The following SNX19 variants were observed in gnomAD, a reference collection of about 807,000 sequenced individuals.
The protein encoded by SNX19 is sorting nexin 19.
Under a neutral mutation model 85.2 loss-of-function variants are expected in SNX19, and 60 were observed. The ratio of observed to expected loss-of-function variants is 0.70; its 90% CI spans 0.57 to 0.87. SNX19 has a LOEUF of 0.87. Among genes scored for constraint, SNX19 ranks in the 40% least tolerant of loss-of-function variants. The probability of loss-of-function intolerance (pLI) is 0.00; values close to 1 mark genes in which losing one functional copy is unlikely to be tolerated. For synonymous variants in SNX19, 520 were observed against 470.0 expected (o/e 1.11, Z -1.38); for missense variants, 1,201 against 1,217.8 (o/e 0.99, Z 0.21).
Position 130,915,223 on chromosome 11 carries a change from G to A in SNX19, c.717C>T (p.Val239=), listed in dbSNP as rs773651268. The part of the protein sequence containing the change: ...LETRTGRHVV[V]ELITCNVILP... ...AGATTACATTGCATGTGATGAGTTC[G>A]ACCACTACATGGCGTCCGGTACGAG... Residue 239 remains valine (V), a synonymous_variant, in exon 1 of 11, where the codon GTC becomes GTT. Transcript: ENST00000265909. The A allele has an allele frequency of 1.2e-6, 2 of 1,614,064 alleles. No individual in the cohort carries two copies. Among genetic ancestry groups the A allele is most frequent in the African/African-American group, 1.3e-5 (1 of 74,912 alleles).
Position 130,878,236 on chromosome 11 carries a change from A to G in SNX19, c.*186T>C, listed in dbSNP as rs3190331. The G allele has an allele frequency of 0.45, 226,906 of 500,558 alleles. 52,493 individuals carry two copies. The highest frequency in any genetic ancestry group is 0.56 in the South Asian group (10,108 of 18,168). 31.0% of individuals were successfully genotyped at this position (500,558 alleles called of 1,614,324 possible). On this transcript the variant is annotated 3_prime_UTR_variant, in exon 11 of 11. Coordinates refer to ENST00000265909, the MANE Select transcript of SNX19 (RefSeq NM_014758.3). ...AAGGAACAGGGAAATAAACGTGCAT[A>G]CAACTGGGACACACAGACCCCTGTC...
chr11:130,906,434 C>A (rs1945676265), intron 6 of SNX19, among the ~76,000 whole-genome samples, 191 bp downstream of exon 6: 1 of 152,196 alleles, frequency 6.6e-6, no homozygotes, highest in African/African-American at 2.4e-5. Context: ...AGCCAACCTG[C>A]CAACCCAGAA....
rs1162029906 is a variant in SNX19 at position 130,908,197 on chromosome 11, A to G, written c.2035-114T>C. Reference sequence around the variant, plus strand: ...ACAGGACAAGGAGAGGGGCCAGGCTATCTAGCAAAGCCTTATCCAGTAGGA... The same window carrying G: ...ACAGGACAAGGAGAGGGGCCAGGCTGTCTAGCAAAGCCTTATCCAGTAGGA... On this transcript the variant is annotated intron_variant, in intron 4 of 10. Coordinates refer to ENST00000265909, the MANE Select transcript of SNX19 (RefSeq NM_014758.3). 6 of 1,244,064 alleles carry G rather than the reference A, an allele frequency of 4.8e-6. No homozygotes were observed. In the East Asian group the frequency reaches 1.5e-4, roughly 32 times the overall value. 77.1% of individuals were successfully genotyped at this position (1,244,064 alleles called of 1,614,324 possible). A position where few individuals can be genotyped will look rare whatever the true frequency, so the allele number is the denominator to read the frequency against.
chr11:130,879,475 C>T (rs911075850), intron 10 of SNX19, 149 bp downstream of exon 10: 66 of 629,656 alleles, frequency 1.0e-4, no homozygotes, highest in African/African-American at 3.5e-4. Context: ...TGGATCTGGA[C>T]GTCAAACTCT....
chr11:130,880,580 G>C, intron 9 of SNX19, 42 bp downstream of exon 9: 1 of 1,512,570 alleles, frequency 6.6e-7, no homozygotes, highest in Non-Finnish European at 9.0e-7. Context: ...CAGAATGGAA[G>C]AGAAATGTGA....
At chr11:130,903,471 C>T in intron 7 of SNX19, 87 bp from the exon 8 acceptor site, 1 of 1,433,522 alleles carries the variant, frequency 7.0e-7, no homozygotes, top group Admixed American at 2.2e-5. Context: ...ACCTGTGTCT[C>T]TCTACCTTCA....
chr11:130,903,778 T>C (rs2135382668), intron 7 of SNX19, among the ~76,000 whole-genome samples: 1 of 151,846 alleles, frequency 6.6e-6, no homozygotes. Flanking sequence ...TTAGTTTCTA[T>C]TTCTTCTGTA....
rs3751037 is a variant in SNX19, at chr11:130,914,859, C to G, written c.1081G>C (p.Val361Leu). ...NNSSHFLQPN[V>L]RGPLFLCEDS... ...TCACATAAGAACAGGGGACCTCGAACATTTGGCTGTAGGAAATGAGATGAG... is the reference window on the plus strand; with the variant it reads ...TCACATAAGAACAGGGGACCTCGAAGATTTGGCTGTAGGAAATGAGATGAG... Residue 361 changes from valine to leucine, a missense_variant, in exon 1 of 11, where the codon GTT (valine) becomes CTT (leucine). Transcript: ENST00000265909. 0.72 allele frequency: 1,169,155 copies of G among 1,613,944 alleles called. 425,111 individuals are homozygous for G. The highest frequency in any genetic ancestry group is 0.83 in the South Asian group (75,311 of 91,080).
chr11:130,907,427 A>G (rs1021302238), intron 5 of SNX19, among the ~76,000 whole-genome samples: 1 of 152,102 alleles, frequency 6.6e-6, no homozygotes, highest in African/African-American at 2.4e-5. Context: ...TGCTTGCCAC[A>G]TGTTGGCTTT....
Position 130,871,194 on chromosome 11 carries a change from C to T in SNX19, c.*7228G>A, listed in dbSNP as rs918325389. On this transcript the variant is annotated 3_prime_UTR_variant, in exon 11 of 11. Transcript: ENST00000265909. ...GGAAGTTTCTCGTCTAACCTCCTGC[C>T]TAAACCATCTATAATACATTCTGTC... 1.3e-5 allele frequency among the ~76,000 whole-genome samples: 2 copies of T among 152,104 alleles called. No individual in the cohort carries two copies. Among genetic ancestry groups the T allele is most frequent in the African/African-American group, 4.8e-5 (2 of 41,398 alleles).
intron 5 of SNX19, 75 bp downstream of exon 5, chr11:130,907,878 G>T (rs1945794598): frequency 6.3e-7 from 1 of 1,587,114 alleles, no homozygotes; most frequent in Admixed American, 1.7e-5. Context: ...TTGAGAATAG[G>T]GTGAGTGTTG....
intron 4 of SNX19, among the ~76,000 whole-genome samples, chr11:130,909,008 AACAAAC>A (rs1230653447): frequency 6.6e-6 from 1 of 152,200 alleles, no homozygotes; most frequent in Non-Finnish European, 1.5e-5. Context: ...ACTGGGGGAG[AACAAAC>A]CAGGGAAAGA....
At chr11:130,889,397 C>A (rs968708279) in intron 8 of SNX19, among the ~76,000 whole-genome samples, 1 of 152,048 alleles carries the variant, frequency 6.6e-6, no homozygotes, top group African/African-American at 2.4e-5. Context: ...CCCGACCCCC[C>A]AGAAAAAGAC....
intron 1 of SNX19, among the ~76,000 whole-genome samples, chr11:130,911,972 C>A (rs952824853): frequency 1.3e-5 from 2 of 151,876 alleles, no homozygotes; most frequent in Non-Finnish European, 2.9e-5. Context: ...CTCCTCCGCA[C>A]TACTACTTTC....
chr11:130,903,054 A>G (rs1945366053), intron 8 of SNX19: 9 of 598,300 alleles, frequency 1.5e-5, no homozygotes, highest in Non-Finnish European at 5.6e-6. Flanking sequence ...GAAGTCTTAC[A>G]GTCTTACTTT....
chr11:130,904,534 G>A (rs1194971174), intron 7 of SNX19, among the ~76,000 whole-genome samples: 1 of 152,118 alleles, frequency 6.6e-6, no homozygotes, highest in African/African-American at 2.4e-5. Context: ...CATTCCTTGG[G>A]AGACAGCATC....
At chr11:130,885,744 C>T (rs1410874569) in intron 8 of SNX19, among the ~76,000 whole-genome samples, 1 of 150,854 alleles carries the variant, frequency 6.6e-6, no homozygotes, top group Non-Finnish European at 1.5e-5. Flanking sequence ...CCTCTATAGA[C>T]AATCCAAGGG....
At chr11:130,913,152 A>G (rs762971760) in intron 1 of SNX19, among the ~76,000 whole-genome samples, 5 of 152,336 alleles carry the variant, frequency 3.3e-5, no homozygotes, top group Non-Finnish European at 5.9e-5. Context: ...GAGGAGGGAA[A>G]AAACCTGCTG....
chr11:130,911,469 GCTGCTGTCCAGCACTAAACTTCAAAA>G (rs1297992445), intron 2 of SNX19, 138 bp downstream of exon 2: 1 of 1,446,970 alleles, frequency 6.9e-7, no homozygotes, highest in Non-Finnish European at 9.1e-7. Context: ...GAATGTGATT[GCTGCTGTCCAGCACTAAACTTCAAAA>G]CTCCTGAAGC....
Sources: gnomAD v4.1 joint callset for allele counts (sites outside exome capture counted in the v4.1 genomes callset) on GRCh38, gnomAD v4.1.1 for gene constraint, MANE v1.5 for transcripts, NCBI Gene and HGNC (gene_info 2026-07-23, HGNC 2026-07-21) for gene names.